Variants in INSC observed in about 807,000 individuals in gnomAD.
INSC encodes the protein protein inscuteable homolog.
A neutral mutation model predicts 58.6 loss-of-function variants in INSC; 67 were observed. That is an observed-to-expected ratio of 1.14 (90% CI 0.94 to 1.40). INSC has a LOEUF of 1.40. INSC is among the 40% of genes most tolerant of loss of function. The pLI, the probability that INSC is intolerant of heterozygous loss-of-function variation, is 0.00. For synonymous variants in INSC, 262 were observed against 276.1 expected, an observed-to-expected ratio of 0.95 and a Z score of 0.51; for missense variants, 714 against 692.0, an observed-to-expected ratio of 1.03 and a Z score of -0.36.
intron 1 of INSC, among the ~76,000 whole-genome samples, chr11:15,135,317 T>G (rs1193675622): frequency 6.6e-6 from 1 of 152,240 alleles, no homozygotes; most frequent in Non-Finnish European, 1.5e-5. Context: ...GCAAATGGGT[T>G]GTTTTTCATG....
intron 2 of INSC, among the ~76,000 whole-genome samples, chr11:15,155,891 G>A (rs1848798607): frequency 6.6e-6 from 1 of 152,230 alleles, no homozygotes; most frequent in Non-Finnish European, 1.5e-5. Context: ...GGTACCAGTA[G>A]ATGGAGGCCA....
intron 8 of INSC, among the ~76,000 whole-genome samples, chr11:15,223,879 G>A (rs1851536224): frequency 1.3e-5 from 2 of 152,182 alleles, no homozygotes; most frequent in Non-Finnish European, 2.9e-5. Flanking sequence ...GTCAAACCTG[G>A]GCTGTGGGGA....
rs945307580 is a variant in INSC, at chr11:15,200,691, T to C, written c.694-133T>C. On this transcript the variant is annotated intron_variant, in intron 6 of 12. Coordinates refer to ENST00000379556, the MANE Select transcript of INSC (RefSeq NM_001042536.3). ...GAGCATTTGAGTGTGTGTAAGTGTG[T>C]GTGGGGCGGGGGTTGCTGGAGGCAG... is the stretch of plus-strand genomic sequence containing the variant. 11 of 1,062,620 alleles carry C rather than the reference T, an allele frequency of 1.0e-5. No individual in the cohort carries two copies. The South Asian group carries it at 1.1e-4, about 10-fold the overall frequency. 65.8% of individuals were successfully genotyped at this position (1,062,620 alleles called of 1,614,324 possible).
intron 12 of INSC, among the ~76,000 whole-genome samples, chr11:15,240,922 T>G (rs957663625): frequency 6.6e-6 from 1 of 152,162 alleles, no homozygotes; most frequent in Non-Finnish European, 1.5e-5. Flanking sequence ...AACCTCCACT[T>G]GTCCCTACAG....
At chr11:15,123,152 CT>C (rs1847914619) in intron 1 of INSC, among the ~76,000 whole-genome samples, 1 of 152,226 alleles carries the variant, frequency 6.6e-6, no homozygotes, top group South Asian at 2.1e-4. Context: ...CGAATTCCTG[CT>C]TTACTCTCAG....
chr11:15,221,537 C>T lies in INSC; in HGVS notation c.880C>T (p.Arg294Trp), dbSNP rs368059339. Residue 294 changes from arginine to tryptophan, a missense_variant, in exon 8 of 13, where the codon CGG (arginine) becomes TGG (tryptophan). Arg to Trp is a moderately radical substitution (Grantham distance 101). Coordinates refer to ENST00000379556, the MANE Select transcript of INSC (RefSeq NM_001042536.3). The stretch of plus-strand genomic sequence containing the variant: ...CGACAACAGCCACTCAGAGGCCACA[C>T]GGGCTGAGGCTGCGGCTGTGGTGGC... ...LTDNSHSEATRAEAAAVVAQV... is the reference protein window; with the variant it reads ...LTDNSHSEATWAEAAAVVAQV... 39 of 1,613,894 alleles carry T rather than the reference C, an allele frequency of 2.4e-5. No individual in the cohort carries two copies. The highest frequency in any genetic ancestry group is 1.7e-4 in the African/African-American group (13 of 74,916).
intron 1 of INSC, among the ~76,000 whole-genome samples, chr11:15,124,385 C>T (rs1447690704): frequency 6.6e-6 from 1 of 152,168 alleles, no homozygotes; most frequent in East Asian, 1.9e-4. Context: ...GGCTTCCCCT[C>T]TTTCATTGGT....
intron 1 of INSC, among the ~76,000 whole-genome samples, chr11:15,117,233 T>C (rs2133677011): frequency 6.6e-6 from 1 of 152,146 alleles, no homozygotes; most frequent in East Asian, 1.9e-4. Flanking sequence ...TGAGCCACCA[T>C]GCCTGGCCTG....
intron 1 of INSC, among the ~76,000 whole-genome samples, chr11:15,132,521 A>C (rs983350583): frequency 2.0e-5 from 3 of 152,170 alleles, no homozygotes; most frequent in Non-Finnish European, 4.4e-5. Flanking sequence ...TCTTGGGCTT[A>C]AGTGATCCTC....
the INSC span, among the ~76,000 whole-genome samples, chr11:15,268,089 G>A: frequency 6.6e-6 from 1 of 151,948 alleles, no homozygotes; most frequent in Non-Finnish European, 1.5e-5. Flanking sequence ...ACACTCATTA[G>A]GTTGTCAGAT....
In INSC at chr11:15,230,925, T is replaced by C. The variant is rs1851901583; in HGVS notation, c.1171-4677T>C. 1.3e-5 allele frequency among the ~76,000 whole-genome samples: 2 copies of C among 152,148 alleles called. 1 individual carries two copies. Among genetic ancestry groups the C allele is most frequent in the South Asian group, 4.1e-4 (2 of 4,830 alleles). ...TTTAGTAGTAAGGGAAAGCTGGTCCTGTCAATGAGAAGACCCACGTACCAG... is the reference window on the plus strand; with the variant it reads ...TTTAGTAGTAAGGGAAAGCTGGTCCCGTCAATGAGAAGACCCACGTACCAG... On this transcript the variant is annotated intron_variant, in intron 9 of 12. Transcript: ENST00000379556.
chr11:15,199,970 G>A (rs938294971), intron 6 of INSC, among the ~76,000 whole-genome samples: 2 of 152,082 alleles, frequency 1.3e-5, no homozygotes, highest in South Asian at 2.1e-4. Context: ...TGGCTCCAGC[G>A]ATTATTATGA....
chr11:15,221,697 A>G (rs1261788222), intron 8 of INSC, 49 bp downstream of exon 8: 2 of 1,528,502 alleles, frequency 1.3e-6, no homozygotes, highest in Admixed American at 2.0e-5. Context: ...GCCTTGGCAC[A>G]GTTGTCTTCA....
intron 2 of INSC, among the ~76,000 whole-genome samples, chr11:15,163,025 C>T (rs1849071680): frequency 1.3e-5 from 2 of 152,132 alleles, no homozygotes; most frequent in African/African-American, 4.8e-5. Flanking sequence ...GAATCAGTGT[C>T]CAAGTCTTAC....
chr11:15,140,148 C>A (rs1360702704), intron 1 of INSC, among the ~76,000 whole-genome samples: 3 of 152,126 alleles, frequency 2.0e-5, no homozygotes, highest in Non-Finnish European at 2.9e-5. Context: ...TTCATATAAA[C>A]CAGGTGCTGG....
the INSC span, among the ~76,000 whole-genome samples, chr11:15,267,680 T>C: frequency 1.6e-4 from 25 of 152,130 alleles, no homozygotes; most frequent in African/African-American, 6.0e-4. Flanking sequence ...TGTATATTTG[T>C]AGTAACTATT....
the INSC span, among the ~76,000 whole-genome samples, chr11:15,252,499 G>C: frequency 6.6e-6 from 1 of 152,218 alleles, no homozygotes; most frequent in South Asian, 2.1e-4. Flanking sequence ...AGTTGGTGCT[G>C]GTTAGTAGTG....
the INSC span, among the ~76,000 whole-genome samples, chr11:15,252,648 C>A: frequency 1.3e-5 from 2 of 152,136 alleles, no homozygotes; most frequent in African/African-American, 4.8e-5. Flanking sequence ...ATGCGCTAGT[C>A]TTAGAAGTCA....
Position 15,149,232 on chromosome 11 carries a change from T to C in INSC, c.56+2T>C. On this transcript the variant is annotated splice_donor_variant, in intron 2 of 12. Transcript: ENST00000379556. LOFTEE classifies it high-confidence loss of function. ...CTCCGTCACCCTGCCGGGTCAGCGG[T>C]AAGTCCTACAGCTGTCACTCCAGGC... 6.2e-7 allele frequency: 1 copy of C among 1,602,676 alleles called. No individual in the cohort carries two copies. Among genetic ancestry groups the C allele is most frequent in the South Asian group, 1.1e-5 (1 of 88,968 alleles).
Sources: gnomAD v4.1 joint callset for allele counts (sites outside exome capture counted in the v4.1 genomes callset) on GRCh38, gnomAD v4.1.1 for gene constraint, MANE v1.5 for transcripts, NCBI Gene and HGNC (gene_info 2026-07-23, HGNC 2026-07-21) for gene names.